Variants in PTPRN2 observed in about 807,000 individuals in gnomAD.
The protein encoded by PTPRN2 is protein tyrosine phosphatase receptor type N2.
PTPRN2 carries 74 observed loss-of-function variants against 118.8 expected under a neutral mutation model. The ratio of observed to expected loss-of-function variants is 0.62; its 90% CI spans 0.52 to 0.76. The LOEUF (loss-of-function observed/expected upper bound fraction) is 0.76, where lower values mean the gene tolerates loss of function less well. PTPRN2 is among the 30% of genes least tolerant of loss of function. The pLI is 0.00. For missense variants in PTPRN2, 1,481 were observed against 1,394.4 expected (o/e 1.06, Z -0.99); for synonymous variants, 641 against 608.0 (o/e 1.05, Z -0.80).
intron 2 of PTPRN2, among the ~76,000 whole-genome samples, chr7:158,394,330 C>T (rs1339317768): frequency 1.3e-5 from 2 of 152,150 alleles, no homozygotes; most frequent in African/African-American, 2.4e-5. Flanking sequence ...TTTCTTGGCA[C>T]AAAAATCCAT....
chr7:158,205,193 G>A lies in PTPRN2; in HGVS notation c.358C>T (p.Pro120Ser). 6.2e-7 allele frequency: 1 copy of A among 1,614,116 alleles called. No homozygotes were observed. The highest frequency in any genetic ancestry group is 2.2e-5 in the East Asian group (1 of 44,890). The change falls in exon 4 of 23, where the codon CCT becomes TCT. Residue 120 changes from proline (P) to serine (S), a missense_variant. This residue lies in a region of PTPRN2 where 1,115 missense variants were observed against 994.2 expected (regional missense o/e 1.12). Transcript: ENST00000389418. Reference protein sequence around the residue: ...ADLPKTYLRRPEASSPARPSK... With the variant: ...ADLPKTYLRRSEASSPARPSK... The stretch of plus-strand genomic sequence containing the variant: ...TACCTGGCTGGGCTGGATGCTTCAG[G>A]ACGCCTCAGGTAGGTTTTCGGGAGG...
rs1027485323 is a variant in PTPRN2, at chr7:158,481,034, T to C, written c.163+8701A>G. Among the ~76,000 whole-genome samples the C allele has an allele frequency of 1.3e-5, 2 of 152,254 alleles. 1 individual carries two copies. The highest frequency in any genetic ancestry group is 4.1e-4 in the South Asian group (2 of 4,832). ...TCAATGTAGATGAAACAGCCTTACA[T>C]TGAAGAAGATGCCATCTAGGACTTC... On this transcript the variant is annotated intron_variant, in intron 2 of 22. Coordinates refer to ENST00000389418, the MANE Select transcript of PTPRN2 (RefSeq NM_002847.5).
At position 158,167,216 on chromosome 7, in the gene PTPRN2, G is replaced by C. The variant is rs142871343; in HGVS notation, c.625C>G (p.Arg209Gly). ...TSALTYPPGS[R>G]TQLREDLLPR... ...AGGAGGTCCTCGCGGAGCTGGGTCC[G>C]GGACCCGGGAGGGTAGGTCAGCGCA... The change falls in exon 6 of 23, where the codon CGG becomes GGG. Residue 209 changes from arginine (R) to glycine (G), a missense_variant. By Grantham distance (125) the Arg-to-Gly change is moderately radical. Around this residue, in one of 3 missense-constraint regions of PTPRN2, gnomAD observed 1,115 missense variants for 994.2 expected, o/e 1.12. Coordinates refer to ENST00000389418, the MANE Select transcript of PTPRN2 (RefSeq NM_002847.5). 1.9e-6 allele frequency: 3 copies of C among 1,613,398 alleles called. No homozygotes were observed. The highest frequency in any genetic ancestry group is 2.7e-5 in the African/African-American group (2 of 74,914).
intron 5 of PTPRN2, among the ~76,000 whole-genome samples, chr7:158,182,642 G>A (rs1365734319): frequency 6.6e-6 from 1 of 152,264 alleles, no homozygotes; most frequent in East Asian, 1.9e-4. Flanking sequence ...GTCCCTCCAA[G>A]GGACATGATC....
At chr7:157,725,293 A>AT (rs1799485854) in intron 12 of PTPRN2, among the ~76,000 whole-genome samples, 6 of 129,976 alleles carry the variant, frequency 4.6e-5, no homozygotes, top group East Asian at 2.3e-4. Flanking sequence ...AGAACTGGAT[A>AT]CCTACACCCA....
At chr7:158,116,550 A>T (rs540509015) in intron 9 of PTPRN2, among the ~76,000 whole-genome samples, 3 of 152,250 alleles carry the variant, frequency 2.0e-5, no homozygotes, top group Non-Finnish European at 4.4e-5. Context: ...GAGCCAGAAC[A>T]GGCAATACAG....
At chr7:158,432,929 CCAGA>C (rs1354742568) in intron 2 of PTPRN2, among the ~76,000 whole-genome samples, 6 of 152,178 alleles carry the variant, frequency 3.9e-5, no homozygotes, top group Admixed American at 2.0e-4. Context: ...ACACTCCCAC[CCAGA>C]CATAGATTCA....
At chr7:157,973,114 G>A (rs1371907325) in intron 11 of PTPRN2, among the ~76,000 whole-genome samples, 1 of 152,214 alleles carries the variant, frequency 6.6e-6, no homozygotes, top group African/African-American at 2.4e-5. Context: ...TGCACTCTGG[G>A]CTGCAGCGGC....
chr7:157,887,633 C>T (rs1331725016), intron 12 of PTPRN2, among the ~76,000 whole-genome samples: 14 of 70,062 alleles, frequency 2.0e-4, no homozygotes, highest in African/African-American at 7.2e-4. Flanking sequence ...ACCCAACCCC[C>T]ATACCCACTC....
chr7:158,191,142 C>A (rs1326080648), intron 5 of PTPRN2, among the ~76,000 whole-genome samples: 1 of 152,204 alleles, frequency 6.6e-6, no homozygotes, highest in Non-Finnish European at 1.5e-5. Context: ...GAGGACTCTA[C>A]CTTTCGAGGT....
chr7:158,023,651 C>T (rs980399174), intron 11 of PTPRN2, among the ~76,000 whole-genome samples: 1 of 152,144 alleles, frequency 6.6e-6, no homozygotes, highest in African/African-American at 2.4e-5. Context: ...TGCGTAGAGA[C>T]CCTGAGCTTG....
chr7:158,462,484 G>A (rs938405823), intron 2 of PTPRN2, among the ~76,000 whole-genome samples: 3 of 152,202 alleles, frequency 2.0e-5, no homozygotes, highest in African/African-American at 7.2e-5. Flanking sequence ...TCCTAGAGAT[G>A]ATATGTGAAA....
rs1280172590 is a variant in PTPRN2 at position 157,987,538 on chromosome 7, C to G, written c.1724-88801G>C. Among the ~76,000 whole-genome samples, 1 of 152,136 alleles carries G rather than the reference C, an allele frequency of 6.6e-6. No individual in the cohort carries two copies. Among genetic ancestry groups the G allele is most frequent in the African/African-American group, 2.4e-5 (1 of 41,422 alleles). On this transcript the variant is annotated intron_variant, in intron 11 of 22. Transcript: ENST00000389418. The surrounding 1 kb of genome is among the most constrained non-coding windows in gnomAD (Gnocchi z 4.3). ...CATAAGAGACTTCCCAGGGGCAGAG[C>G]AGACCCGGTGGACAGCAGGAGCTGC...
intron 11 of PTPRN2, among the ~76,000 whole-genome samples, chr7:158,039,569 A>G (rs1585250105): frequency 1.3e-5 from 2 of 152,358 alleles, no homozygotes; most frequent in East Asian, 3.9e-4. Flanking sequence ...AGGGAGATAA[A>G]ACAAGGACAC....
At chr7:158,115,261 A>G (rs1447591636) in intron 9 of PTPRN2, among the ~76,000 whole-genome samples, 1 of 152,192 alleles carries the variant, frequency 6.6e-6, no homozygotes, top group African/African-American at 2.4e-5. Flanking sequence ...GAAGGGAAAC[A>G]GCTGGTGGCC....
At chr7:158,352,984 C>T (rs923700610) in intron 2 of PTPRN2, among the ~76,000 whole-genome samples, 3 of 152,252 alleles carry the variant, frequency 2.0e-5, no homozygotes, top group African/African-American at 4.8e-5. Context: ...GCCAGACACT[C>T]GCTCCTATTC....
chr7:158,092,238 A>G (rs1374796769), intron 10 of PTPRN2, among the ~76,000 whole-genome samples: 4 of 149,780 alleles, frequency 2.7e-5, no homozygotes, highest in Non-Finnish European at 4.4e-5. Flanking sequence ...ATGTATATAT[A>G]TGCATACATA....
At position 157,587,725 on chromosome 7, in the gene PTPRN2, T is replaced by C. The variant is rs1279199824; in HGVS notation, c.2496+7513A>G. ...CTCTCTGGGGGCCAGGAGAGCTGTT[T>C]CGTGTCTGACTCTGTCCTGAAAGGC... is the stretch of plus-strand genomic sequence containing the variant. On this transcript the variant is annotated intron_variant, in intron 17 of 22. Coordinates refer to ENST00000389418, the MANE Select transcript of PTPRN2 (RefSeq NM_002847.5). The surrounding 1 kb of genome is among the most constrained non-coding windows in gnomAD (Gnocchi z 5.3). 1.3e-5 allele frequency among the ~76,000 whole-genome samples: 2 copies of C among 152,236 alleles called. No individual in the cohort carries two copies. Among genetic ancestry groups the C allele is most frequent in the Non-Finnish European group, 2.9e-5 (2 of 68,038 alleles).
chr7:158,193,241 C>T (rs1004748404), intron 4 of PTPRN2, among the ~76,000 whole-genome samples: 2 of 152,314 alleles, frequency 1.3e-5, no homozygotes, highest in East Asian at 1.9e-4. Context: ...GAACCAGGCA[C>T]GGCTGGCCAG....
Sources: gnomAD v4.1 joint callset for allele counts (sites outside exome capture counted in the v4.1 genomes callset) on GRCh38, gnomAD v4.1.1 for gene constraint, gnomAD v4.1.1 regional missense constraint, Gnocchi (gnomAD v3.1) non-coding constraint, MANE v1.5 for transcripts, NCBI Gene and HGNC (gene_info 2026-07-23, HGNC 2026-07-21) for gene names.